The following MPPED1 variants were observed in gnomAD, a reference collection of about 807,000 sequenced individuals.
MPPED1 encodes the protein metallophosphoesterase domain-containing protein 1.
In MPPED1, 16 loss-of-function variants were observed where a neutral mutation model predicts 36.2. That is an observed-to-expected ratio of 0.44 (90% confidence interval 0.30 to 0.67). The LOEUF is 0.67. Ranked by LOEUF, MPPED1 falls within the 30% of genes least tolerant of loss-of-function variation. The pLI, the probability that MPPED1 is intolerant of heterozygous loss-of-function variation, is 0.10. For synonymous variants in MPPED1, 199 were observed against 191.3 expected (o/e 1.04, Z -0.33); for missense variants, 307 against 453.4 (o/e 0.68, Z 2.93).
chr22:43,442,030 C>T (rs1248330061), intron 3 of MPPED1, among the ~76,000 whole-genome samples: 1 of 152,178 alleles, frequency 6.6e-6, no homozygotes, highest in African/African-American at 2.4e-5. Flanking sequence ...CAGGAGGCAG[C>T]TCACAGGCAT....
chr22:43,426,319 T>C (rs370714923), intron 2 of MPPED1, among the ~76,000 whole-genome samples: 24 of 152,228 alleles, frequency 1.6e-4, no homozygotes, highest in East Asian at 1.6e-3. Context: ...CCGGCCACTC[T>C]GGGTGCCCAC....
At chr22:43,491,427 ATGG>A (rs1932078772) in intron 4 of MPPED1, among the ~76,000 whole-genome samples, 2 of 146,992 alleles carry the variant, frequency 1.4e-5, no homozygotes, top group South Asian at 4.4e-4. Flanking sequence ...GATGGAGATG[ATGG>A]TGGTGATAGT....
At chr22:43,479,395 G>A (rs997279645) in intron 4 of MPPED1, among the ~76,000 whole-genome samples, 1 of 152,228 alleles carries the variant, frequency 6.6e-6, no homozygotes, top group African/African-American at 2.4e-5. Context: ...GGGCAGGGCC[G>A]ACCAGGCTGA....
chr22:43,441,366 T>A (rs1930142622), intron 3 of MPPED1, among the ~76,000 whole-genome samples: 1 of 152,232 alleles, frequency 6.6e-6, no homozygotes, highest in Non-Finnish European at 1.5e-5. Context: ...CTGTGTCACC[T>A]GCTGAGCTGC....
At chr22:43,475,223 A>G (rs1235068312) in intron 4 of MPPED1, among the ~76,000 whole-genome samples, 1 of 152,040 alleles carries the variant, frequency 6.6e-6, no homozygotes, top group East Asian at 1.9e-4. Context: ...GGCAGGTACT[A>G]TTATCTCCAT....
chr22:43,494,357 G>C (rs1932190357), intron 4 of MPPED1, among the ~76,000 whole-genome samples: 1 of 152,186 alleles, frequency 6.6e-6, no homozygotes, highest in South Asian at 2.1e-4. Flanking sequence ...TGTGGCTTCT[G>C]ATGGTTGCTG....
chr22:43,436,330 C>T (rs1929959146), intron 3 of MPPED1, among the ~76,000 whole-genome samples: 1 of 152,186 alleles, frequency 6.6e-6, no homozygotes, highest in African/African-American at 2.4e-5. Context: ...ACGGTCCCTT[C>T]CGCCTCCCCA....
chr22:43,495,272 GTGGTGGTGATGGAGGTGGTGA>G (rs1932229070), intron 4 of MPPED1, among the ~76,000 whole-genome samples: 1 of 148,046 alleles, frequency 6.8e-6, no homozygotes, highest in Non-Finnish European at 1.5e-5. Flanking sequence ...GGAGGTGGTG[GTGGTGGTGATGGAGGTGGTGA>G]TGGAGGTGAT....
chr22:43,435,425 T>G (rs1250513050), intron 3 of MPPED1, among the ~76,000 whole-genome samples: 1 of 151,702 alleles, frequency 6.6e-6, no homozygotes, highest in Non-Finnish European at 1.5e-5. Flanking sequence ...GCATCTGTCT[T>G]GGTTGTGACT....
At chr22:43,444,753 G>C (rs1930277149) in intron 3 of MPPED1, among the ~76,000 whole-genome samples, 1 of 152,108 alleles carries the variant, frequency 6.6e-6, no homozygotes, top group South Asian at 2.1e-4. Flanking sequence ...GCAGGGTAGA[G>C]AGATTCATTT....
intron 4 of MPPED1, among the ~76,000 whole-genome samples, chr22:43,495,356 G>T (rs1297295508): frequency 6.7e-6 from 1 of 148,590 alleles, no homozygotes; most frequent in Admixed American, 6.7e-5. Context: ...GTTGATGGAG[G>T]TGATGGTGGT....
chr22:43,469,287 G>A (rs1201807058), intron 3 of MPPED1, among the ~76,000 whole-genome samples: 1 of 152,174 alleles, frequency 6.6e-6, no homozygotes, highest in Non-Finnish European at 1.5e-5. Context: ...TTCAGTGCAG[G>A]CATTAGGCAG....
intron 4 of MPPED1, among the ~76,000 whole-genome samples, chr22:43,484,007 C>T (rs1284171074): frequency 6.6e-6 from 1 of 152,238 alleles, no homozygotes; most frequent in East Asian, 1.9e-4. Context: ...GTCCAACTCC[C>T]CTCTTAAGTG....
rs1049905627 is a variant in MPPED1 at position 43,436,108 on chromosome 22, C to CT, written c.406+900dup. On this transcript the variant is annotated intron_variant, in intron 3 of 6. Transcript: ENST00000443721. ...ACATCCTCTGGGTTTTGTCTTTGTG[C>CT]TTTTTTTCAAAAATAAGAAATAAAC... is the stretch of plus-strand genomic sequence containing the variant. Among the ~76,000 whole-genome samples the CT allele has an allele frequency of 2.0e-5, 3 of 152,186 alleles. No homozygotes were observed. The South Asian group carries it at 6.2e-4, about 32-fold the overall frequency.
intron 1 of MPPED1, chr22:43,417,894 T>C (rs973294670): frequency 7.9e-6 from 3 of 381,646 alleles, no homozygotes; most frequent in African/African-American, 4.2e-5. Context: ...AAGGTGCGTC[T>C]AGGATCCTGG....
chr22:43,447,881 A>ATTTT (rs1463126887), intron 3 of MPPED1, among the ~76,000 whole-genome samples: 3 of 34,588 alleles, frequency 8.7e-5, no homozygotes, highest in Admixed American at 3.7e-4. Context: ...ATATATATAT[A>ATTTT]TATTTTTTTT....
chr22:43,447,883 A>ATATATATTTTTT (rs1321289636), intron 3 of MPPED1, among the ~76,000 whole-genome samples: 2 of 67,706 alleles, frequency 3.0e-5, no homozygotes, highest in Non-Finnish European at 5.3e-5. Context: ...ATATATATAT[A>ATATATATTTTTT]TTTTTTTTTT....
At chr22:43,428,617 C>A (rs1046104226) in intron 2 of MPPED1, among the ~76,000 whole-genome samples, 2 of 152,134 alleles carry the variant, frequency 1.3e-5, no homozygotes, top group East Asian at 3.9e-4. Flanking sequence ...AGCGATGGAG[C>A]CTTATTTAAT....
intron 3 of MPPED1, among the ~76,000 whole-genome samples, chr22:43,447,716 G>A (rs890294885): frequency 6.6e-6 from 1 of 150,728 alleles, no homozygotes; most frequent in Admixed American, 6.6e-5. Flanking sequence ...ATAGGTCTCG[G>A]GAGGGCATGA....
Sources: gnomAD v4.1 joint callset for allele counts (sites outside exome capture counted in the v4.1 genomes callset) on GRCh38, gnomAD v4.1.1 for gene constraint, MANE v1.5 for transcripts, NCBI Gene and HGNC (gene_info 2026-07-23, HGNC 2026-07-21) for gene names.